ADGRL2: variants seen among roughly 807,000 people sequenced by gnomAD.
ADGRL2 encodes adhesion G protein-coupled receptor L2, also known as calcium-independent alpha-latrotoxin receptor 2.
In ADGRL2, 44 loss-of-function variants were observed where a neutral mutation model predicts 157.4. The observed-to-expected ratio is 0.28, with a 90% CI of 0.22 to 0.36. ADGRL2 has a LOEUF of 0.36. Ranked by LOEUF, ADGRL2 falls within the 10% of genes least tolerant of loss-of-function variation. The pLI, the probability that ADGRL2 is intolerant of heterozygous loss-of-function variation, is 1.00. For synonymous variants in ADGRL2, 585 were observed against 624.7 expected, an observed-to-expected ratio of 0.94 and a Z score of 0.95; for missense variants, 1,510 against 1,768.9, an observed-to-expected ratio of 0.85 and a Z score of 2.63.
intron 1 of ADGRL2, among the ~76,000 whole-genome samples, chr1:81,314,145 C>A (rs571173045): frequency 6.6e-6 from 1 of 152,248 alleles, no homozygotes; most frequent in African/African-American, 2.4e-5. Context: ...CATGCTTGTG[C>A]CAGGTACTGT....
At position 81,971,863 on chromosome 1, in the gene ADGRL2, A is replaced by T. The variant is rs752414849; in HGVS notation, c.2966A>T (p.His989Leu). The T allele has an allele frequency of 6.2e-7, 1 of 1,605,794 alleles. No individual in the cohort carries two copies. The highest frequency in any genetic ancestry group is 8.5e-7 in the Non-Finnish European group (1 of 1,173,540). ...SYGTEKACWLHVDNYFIWSFI... is the reference protein window; with the variant it reads ...SYGTEKACWLLVDNYFIWSFI... ...TCTTTTCATAATAGTTGCTGGCTTC[A>T]TGTTGATAACTACTTTATATGGAGC... The change falls in exon 17 of 24, where the codon CAT becomes CTT. Residue 989 changes from histidine (H) to leucine (L), a missense_variant. Physicochemically the swap from His to Leu is moderately conservative, Grantham distance 99 (BLOSUM62 -3). Coordinates refer to ENST00000686636, the MANE Select transcript of ADGRL2 (RefSeq NM_001366006.2).
chr1:81,588,960 A>G (rs1408061304), intron 3 of ADGRL2, among the ~76,000 whole-genome samples: 1 of 152,158 alleles, frequency 6.6e-6, no homozygotes, highest in Non-Finnish European at 1.5e-5. Flanking sequence ...TAGGACCTCT[A>G]GACTCAAAAC....
At chr1:81,676,822 G>A (rs1429327198) in intron 3 of ADGRL2, among the ~76,000 whole-genome samples, 3 of 151,764 alleles carry the variant, frequency 2.0e-5, no homozygotes, top group Non-Finnish European at 2.9e-5. Context: ...AAGTAGCTGG[G>A]ACTACAGCCG....
chr1:81,870,700 T>C (rs2093668363), intron 2 of ADGRL2, among the ~76,000 whole-genome samples: 1 of 152,124 alleles, frequency 6.6e-6, no homozygotes, highest in Non-Finnish European at 1.5e-5. Context: ...TTGGCACTAA[T>C]AGTGTTGAAA....
intron 2 of ADGRL2, among the ~76,000 whole-genome samples, chr1:81,539,007 C>CAAAAAAA (rs71242586): frequency 1.2e-5 from 1 of 82,522 alleles, no homozygotes; most frequent in Non-Finnish European, 2.3e-5. Context: ...GACCCTGTCT[C>CAAAAAAA]AAAAAAAAAA....
At chr1:81,602,221 A>G (rs932659393) in intron 3 of ADGRL2, among the ~76,000 whole-genome samples, 4 of 152,212 alleles carry the variant, frequency 2.6e-5, no homozygotes, top group African/African-American at 9.6e-5. Context: ...GCACTTTGGG[A>G]GGCTGAGGTG....
At chr1:81,771,404 G>A (rs1451925441) in intron 2 of ADGRL2, among the ~76,000 whole-genome samples, 7 of 152,276 alleles carry the variant, frequency 4.6e-5, no homozygotes, top group East Asian at 1.9e-4. Flanking sequence ...TGCTAGCATA[G>A]GGGGAAAGTC....
intron 3 of ADGRL2, among the ~76,000 whole-genome samples, chr1:81,657,290 T>C (rs1170498665): frequency 6.6e-6 from 1 of 152,180 alleles, no homozygotes. Flanking sequence ...GGAGTTTGTT[T>C]GCTTATCCCT....
chr1:81,895,277 C>A, intron 2 of ADGRL2, among the ~76,000 whole-genome samples: 1 of 151,696 alleles, frequency 6.6e-6, no homozygotes, highest in East Asian at 1.9e-4. Context: ...TAACTTTATA[C>A]CTTTAGAGTT....
At chr1:81,433,976 C>T (rs994962383) in intron 1 of ADGRL2, among the ~76,000 whole-genome samples, 1 of 152,170 alleles carries the variant, frequency 6.6e-6, no homozygotes, top group Non-Finnish European at 1.5e-5. Flanking sequence ...TTTCCCACAG[C>T]ATGGAAGCCT....
chr1:81,502,451 G>A (rs1187614124), intron 2 of ADGRL2: 2 of 1,614,002 alleles, frequency 1.2e-6, no homozygotes, highest in Non-Finnish European at 8.5e-7. Context: ...GTTCCTGGAT[G>A]ACCTCTTCGT....
chr1:81,855,201 G>A (rs1172185486), intron 2 of ADGRL2, among the ~76,000 whole-genome samples: 1 of 152,160 alleles, frequency 6.6e-6, no homozygotes, highest in African/African-American at 2.4e-5. Context: ...CACTTTGGGA[G>A]ACTGAGGTGG....
At chr1:81,927,506 T>G (rs2095135708) in intron 3 of ADGRL2, among the ~76,000 whole-genome samples, 1 of 151,952 alleles carries the variant, frequency 6.6e-6, no homozygotes, top group South Asian at 2.1e-4. Flanking sequence ...TATTGTTTAT[T>G]TTTCCCAAAT....
chr1:81,915,587 G>C (rs899845418), intron 3 of ADGRL2, among the ~76,000 whole-genome samples: 8 of 152,126 alleles, frequency 5.3e-5, no homozygotes, highest in African/African-American at 1.9e-4. Context: ...ATTCCCTAAG[G>C]CTTATTCAGT....
chr1:81,900,625 G>A (rs1480012608), intron 2 of ADGRL2, among the ~76,000 whole-genome samples: 1 of 152,172 alleles, frequency 6.6e-6, no homozygotes, highest in East Asian at 1.9e-4. Flanking sequence ...AAACTTAACA[G>A]GGAAATCTTG....
intron 1 of ADGRL2, among the ~76,000 whole-genome samples, chr1:81,371,758 A>G (rs555506611): frequency 1.8e-4 from 27 of 152,306 alleles, no homozygotes; most frequent in African/African-American, 5.8e-4. Context: ...GCACTTCATC[A>G]TGGGTTATTT....
intron 2 of ADGRL2, among the ~76,000 whole-genome samples, chr1:81,484,692 G>A (rs1000755178): frequency 1.3e-5 from 2 of 152,110 alleles, no homozygotes; most frequent in African/African-American, 4.8e-5. Context: ...TTGGCACAAA[G>A]CAAGGTCTCT....
chr1:81,374,342 C>T (rs1391787235), intron 1 of ADGRL2, among the ~76,000 whole-genome samples: 2 of 152,018 alleles, frequency 1.3e-5, no homozygotes, highest in East Asian at 1.9e-4. Context: ...GAGGCCGAGG[C>T]GGGTGGATCA....
At chr1:81,914,783 A>G (rs2094816319) in intron 3 of ADGRL2, among the ~76,000 whole-genome samples, 1 of 152,184 alleles carries the variant, frequency 6.6e-6, no homozygotes, top group African/African-American at 2.4e-5. Flanking sequence ...TGGCCAGTCT[A>G]CTAATATAGA....
Sources: gnomAD v4.1 joint callset for allele counts (sites outside exome capture counted in the v4.1 genomes callset) on GRCh38, gnomAD v4.1.1 for gene constraint, MANE v1.5 for transcripts, NCBI Gene and HGNC (gene_info 2026-07-23, HGNC 2026-07-21) for gene names.